Variants in CDH18 observed in about 807,000 individuals in gnomAD.
The protein encoded by CDH18 is cadherin 18.
In CDH18, 31 loss-of-function variants were observed where a neutral mutation model predicts 67.9. The observed-to-expected ratio is 0.46, with a 90% CI of 0.34 to 0.62. CDH18 has a LOEUF of 0.62. Ranked by LOEUF, CDH18 falls within the 20% of genes least tolerant of loss-of-function variation. The pLI, the probability that CDH18 is intolerant of heterozygous loss-of-function variation, is 0.01. For synonymous variants in CDH18, 362 were observed against 347.2 expected (o/e 1.04, Z -0.48); for missense variants, 890 against 975.5 (o/e 0.91, Z 1.17).
At chr5:20,575,625 C>G (rs988509989) in exon 1 of CDH18, 1 of 152,072 alleles carries the variant, frequency 6.6e-6, no homozygotes, top group Non-Finnish European at 1.5e-5. Context: ...AGCTGACATC[C>G]TCTTGTAAAA....
chr5:20,336,757 A>G (rs12522440), intron 1 of CDH18, among the ~76,000 whole-genome samples: 9 of 131,766 alleles, frequency 6.8e-5, no homozygotes, highest in African/African-American at 2.5e-4. Context: ...AAAAAAAAAG[A>G]ACTTTTCCTT....
Position 20,200,799 on chromosome 5 carries a change from C to T in CDH18, c.-518+54645G>A, listed in dbSNP as rs576754813. On this transcript the variant is annotated intron_variant, in intron 2 of 14. Coordinates refer to the CDH18 transcript ENST00000507958. ...AAGTATTCAGCATCCCACAATCCCA[C>T]GATATATAATTAAAATGATTGTAAA... 9.2e-5 allele frequency among the ~76,000 whole-genome samples: 14 copies of T among 152,080 alleles called. No individual in the cohort carries two copies. In the East Asian group the frequency reaches 2.7e-3, roughly 29 times the overall value.
chr5:20,240,163 T>TA lies in CDH18; in HGVS notation c.-518+15280dup, dbSNP rs946812759. ...TGTACCCTAGAACTTAAAGTATAATTAAAAAAAAAGAATAATATGATTACT... is the reference window on the plus strand; with the variant it reads ...TGTACCCTAGAACTTAAAGTATAATTAAAAAAAAAAGAATAATATGATTACT... On this transcript the variant is annotated intron_variant, in intron 2 of 14. Coordinates refer to the CDH18 transcript ENST00000507958. 4.7e-5 allele frequency among the ~76,000 whole-genome samples: 7 copies of TA among 150,212 alleles called. No individual in the cohort carries two copies. In the East Asian group the frequency reaches 9.7e-4, roughly 21 times the overall value.
In CDH18 at chr5:19,643,285, G is replaced by A. The variant is rs1271201430; in HGVS notation, c.644-30684C>T. On this transcript the variant is annotated intron_variant, in intron 5 of 12. Transcript: ENST00000382275. ...TGAAAAACAATATGAAGGTTTCTCA[G>A]ACATGTAAAAATAGAACTGCCGTAT... is the stretch of plus-strand genomic sequence containing the variant. Among the ~76,000 whole-genome samples, 4 of 152,074 alleles carry A rather than the reference G, an allele frequency of 2.6e-5. No homozygotes were observed. The South Asian group carries it at 8.3e-4, about 31-fold the overall frequency.
intron 2 of CDH18, among the ~76,000 whole-genome samples, chr5:20,079,841 G>A (rs111251826): frequency 1.4e-3 from 213 of 152,168 alleles, no homozygotes; most frequent in African/African-American, 4.8e-3. Flanking sequence ...AGCAGATCTC[G>A]TGTCTGATGA....
At chr5:20,307,992 TTG>T (rs941771816) in intron 1 of CDH18, among the ~76,000 whole-genome samples, 1 of 152,010 alleles carries the variant, frequency 6.6e-6, no homozygotes, top group African/African-American at 2.4e-5. Flanking sequence ...GTTAGCTAAA[TTG>T]TGTTTTTAAG....
intron 2 of CDH18, among the ~76,000 whole-genome samples, chr5:19,912,001 G>A (rs540609571): frequency 6.6e-6 from 1 of 152,190 alleles, no homozygotes; most frequent in East Asian, 1.9e-4. Flanking sequence ...TTAAGTAGTG[G>A]TATCATTGAA....
chr5:20,390,679 C>T, intron 1 of CDH18, among the ~76,000 whole-genome samples: 1 of 152,146 alleles, frequency 6.6e-6, no homozygotes, highest in Non-Finnish European at 1.5e-5. Flanking sequence ...TATAAAGACA[C>T]ATGCACACGT....
chr5:19,784,002 T>G (rs1000355342), intron 3 of CDH18, among the ~76,000 whole-genome samples: 44 of 152,292 alleles, frequency 2.9e-4, no homozygotes, highest in Admixed American at 1.7e-3. Flanking sequence ...CTTCATTTTA[T>G]AGATGAGTAA....
intron 2 of CDH18, among the ~76,000 whole-genome samples, chr5:19,887,962 G>A (rs1414776627): frequency 1.3e-5 from 2 of 151,966 alleles, no homozygotes; most frequent in Non-Finnish European, 2.9e-5. Context: ...ATGTCAAAAA[G>A]GCCATGCATA....
At chr5:19,549,729 G>GAAAGAGAAAGAGAGA (rs1737024634) in intron 8 of CDH18, among the ~76,000 whole-genome samples, 2 of 123,034 alleles carry the variant, frequency 1.6e-5, no homozygotes, top group Non-Finnish European at 3.3e-5. Flanking sequence ...AAGGAAGGAA[G>GAAAGAGAAAGAGAGA]AAAGAGAAAG....
intron 1 of CDH18, among the ~76,000 whole-genome samples, chr5:20,358,518 CAACTT>C (rs1741817304): frequency 6.6e-6 from 1 of 152,218 alleles, no homozygotes; most frequent in East Asian, 1.9e-4. Flanking sequence ...AGGTTTTACT[CAACTT>C]AACTTTCTAC....
intron 1 of CDH18, among the ~76,000 whole-genome samples, chr5:20,496,513 A>T (rs1005522184): frequency 6.6e-6 from 1 of 152,194 alleles, no homozygotes; most frequent in Non-Finnish European, 1.5e-5. Context: ...TATTTAAAAT[A>T]TACAATTGAT....
intron 2 of CDH18, among the ~76,000 whole-genome samples, chr5:20,210,300 T>C (rs572525354): frequency 3.3e-5 from 5 of 152,006 alleles, no homozygotes; most frequent in South Asian, 4.1e-4. Context: ...ATAGAACACA[T>C]TTTTCTTAGT....
At chr5:20,203,494 G>C (rs188073072) in intron 2 of CDH18, among the ~76,000 whole-genome samples, 6 of 152,036 alleles carry the variant, frequency 3.9e-5, no homozygotes, top group Admixed American at 3.9e-4. Context: ...GACAGGAAGC[G>C]CTTTGATAGT....
intron 3 of CDH18, among the ~76,000 whole-genome samples, chr5:19,805,687 C>A (rs1412369487): frequency 6.6e-6 from 1 of 152,172 alleles, no homozygotes; most frequent in Admixed American, 6.5e-5. Flanking sequence ...GCCTGCCAAC[C>A]ACCTTCAAAT....
At chr5:20,183,875 C>CT (rs1293499360) in intron 2 of CDH18, among the ~76,000 whole-genome samples, 4 of 151,960 alleles carry the variant, frequency 2.6e-5, no homozygotes, top group Non-Finnish European at 5.9e-5. Flanking sequence ...ATATATGGTT[C>CT]TTTTGAGTAA....
At chr5:19,674,102 C>A (rs1759135815) in intron 5 of CDH18, among the ~76,000 whole-genome samples, 1 of 151,960 alleles carries the variant, frequency 6.6e-6, no homozygotes, top group African/African-American at 2.4e-5. Context: ...ATAGAAAAAA[C>A]AATGATAACC....
intron 2 of CDH18, among the ~76,000 whole-genome samples, chr5:19,976,348 G>A (rs1163895020): frequency 6.6e-6 from 1 of 151,904 alleles, no homozygotes; most frequent in African/African-American, 2.4e-5. Context: ...AAAGAGTTGA[G>A]GGGAAAAACA....
Sources: allele counts gnomAD v4.1 joint callset (sites outside exome capture counted in the v4.1 genomes callset), GRCh38; gene constraint gnomAD v4.1.1; transcripts MANE v1.5; gene names NCBI Gene and HGNC (gene_info 2026-07-23, HGNC 2026-07-21).